Variants in EGFLAM observed in about 807,000 individuals in gnomAD.
The protein encoded by EGFLAM is EGF like, fibronectin type III and laminin G domains.
A neutral mutation model predicts 113.1 loss-of-function variants in EGFLAM; 79 were observed. The ratio of observed to expected loss-of-function variants is 0.70; its 90% CI spans 0.58 to 0.84. The LOEUF (loss-of-function observed/expected upper bound fraction) is 0.84. Among genes scored for constraint, EGFLAM ranks in the 40% least tolerant of loss-of-function variants. The pLI is 0.00. For synonymous variants in EGFLAM, 504 were observed against 487.6 expected (o/e 1.03, Z -0.44); for missense variants, 1,265 against 1,291.6 (o/e 0.98, Z 0.32).
intron 15 of EGFLAM, 117 bp downstream of exon 15, chr5:38,431,405 G>A (rs1742183957): frequency 1.0e-6 from 1 of 990,034 alleles, no homozygotes; most frequent in Non-Finnish European, 1.5e-6. Flanking sequence ...TTCAGTGCCT[G>A]TGTGGAAATC....
At chr5:38,407,694 G>T in intron 8 of EGFLAM, 111 bp from the exon 9 acceptor site, 1 of 705,950 alleles carries the variant, frequency 1.4e-6, no homozygotes, top group Non-Finnish European at 2.4e-6. Flanking sequence ...AAGTTGAATA[G>T]ATTAGTGAGG....
intron 11 of EGFLAM, among the ~76,000 whole-genome samples, chr5:38,417,367 AAAC>A (rs1245715650): frequency 2.0e-5 from 3 of 149,658 alleles, no homozygotes; most frequent in African/African-American, 7.6e-5. Context: ...AAAAAAAAAA[AAAC>A]AAAAAAAAAA....
At chr5:38,405,303 C>T (rs781292273) in intron 6 of EGFLAM, among the ~76,000 whole-genome samples, 2 of 152,056 alleles carry the variant, frequency 1.3e-5, no homozygotes, top group African/African-American at 2.4e-5. Context: ...CATTCACATC[C>T]CTTTTCTATC....
intron 19 of EGFLAM, among the ~76,000 whole-genome samples, chr5:38,457,224 TCA>T (rs1166148493): frequency 6.6e-6 from 1 of 152,242 alleles, no homozygotes; most frequent in East Asian, 1.9e-4. Flanking sequence ...TCTGCAATGT[TCA>T]TTTTTTTTTA....
chr5:38,382,602 C>T lies in EGFLAM; in HGVS notation c.712+12140C>T, dbSNP rs192340697. ...TGGATGGTATTCTGAACCCAAGTCT[C>T]TTATCTGCTATTTCACAAATTTAAC... On this transcript the variant is annotated intron_variant, in intron 6 of 21. Coordinates refer to ENST00000322350, the MANE Select transcript of EGFLAM (RefSeq NM_152403.4). 2.7e-3 allele frequency among the ~76,000 whole-genome samples: 418 copies of T among 152,340 alleles called. 7 individuals carry two copies. The highest frequency in any genetic ancestry group is 1.4e-3 in the Non-Finnish European group (92 of 68,040).
At chr5:38,385,399 A>G (rs1187223815) in intron 6 of EGFLAM, among the ~76,000 whole-genome samples, 1 of 151,756 alleles carries the variant, frequency 6.6e-6, no homozygotes, top group African/African-American at 2.4e-5. Context: ...TATCCTTTAA[A>G]TATTTATCTC....
At chr5:38,299,863 T>C (rs1376591837) in intron 1 of EGFLAM, among the ~76,000 whole-genome samples, 1 of 152,186 alleles carries the variant, frequency 6.6e-6, no homozygotes, top group African/African-American at 2.4e-5. Context: ...ATGTATTTAT[T>C]GAGCATGTAT....
At chr5:38,431,652 G>A (rs942852283) in intron 15 of EGFLAM, among the ~76,000 whole-genome samples, 1 of 152,124 alleles carries the variant, frequency 6.6e-6, no homozygotes, top group Non-Finnish European at 1.5e-5. Context: ...GTGCATGGGG[G>A]AGGCCTGACA....
chr5:38,453,183 A>T (rs1742977164), intron 19 of EGFLAM, among the ~76,000 whole-genome samples: 1 of 152,170 alleles, frequency 6.6e-6, no homozygotes, highest in Non-Finnish European at 1.5e-5. Flanking sequence ...GCTTCCCCAG[A>T]CGATTCTGAT....
At position 38,352,224 on chromosome 5, in the gene EGFLAM, G is replaced by A; in HGVS notation, c.438G>A (p.Gln146=). ...QDSCLPPAAP[Q]QPHVIVVSDS... Reference sequence around the variant, plus strand: ...CCTGCCTGCCTCCTGCAGCTCCCCAGCAGCCACATGTCATTGTGGTTTCGG... The same window carrying A: ...CCTGCCTGCCTCCTGCAGCTCCCCAACAGCCACATGTCATTGTGGTTTCGG... The change falls in exon 5 of 22, where the codon CAG becomes CAA. Residue 146 remains glutamine, a synonymous_variant. Coordinates refer to ENST00000322350, the MANE Select transcript of EGFLAM (RefSeq NM_152403.4). 6.2e-7 allele frequency: 1 copy of A among 1,614,106 alleles called. No individual in the cohort carries two copies. Among genetic ancestry groups the A allele is most frequent in the Non-Finnish European group, 8.5e-7 (1 of 1,180,004 alleles).
At chr5:38,321,882 C>CTG (rs1335522547) in intron 1 of EGFLAM, among the ~76,000 whole-genome samples, 2 of 152,330 alleles carry the variant, frequency 1.3e-5, no homozygotes, top group East Asian at 3.9e-4. Flanking sequence ...TCTTAAAAAC[C>CTG]TACAAGTCGT....
chr5:38,334,550 A>T (rs557108609), intron 1 of EGFLAM, among the ~76,000 whole-genome samples: 2 of 152,360 alleles, frequency 1.3e-5, no homozygotes, highest in Admixed American at 6.5e-5. Context: ...ATATGATTAC[A>T]TTAGGAATTA....
intron 20 of EGFLAM, chr5:38,462,596 T>G: frequency 3.5e-6 from 1 of 281,774 alleles, no homozygotes. Context: ...ATCTCTCTAA[T>G]AACTGTCCTC....
rs1454490386 is a variant in EGFLAM, at chr5:38,352,270, TG to T, written c.486del (p.Trp162Ter). On this transcript the variant is annotated frameshift_variant, in exon 5 of 22. Transcript: ENST00000322350. LOFTEE classifies it high-confidence loss of function. ...TTCGGATTCTGAGGTGGCCCTGTCT[TG>T]GAAACCTGGAGCGAGTGAAGGAAGC... is the stretch of plus-strand genomic sequence containing the variant. ...VVSDSEVALS[W>X]KPGASEGSAP... The T allele has an allele frequency of 6.2e-7, 1 of 1,614,124 alleles. No individual in the cohort carries two copies. Among genetic ancestry groups the T allele is most frequent in the Non-Finnish European group, 8.5e-7 (1 of 1,180,016 alleles).
intron 1 of EGFLAM, among the ~76,000 whole-genome samples, chr5:38,321,114 A>G (rs1327077579): frequency 2.6e-5 from 4 of 152,116 alleles, no homozygotes; most frequent in Non-Finnish European, 4.4e-5. Flanking sequence ...AACTTACCAT[A>G]GTGTAGAATC....
At chr5:38,383,243 G>C (rs1362890157) in intron 6 of EGFLAM, among the ~76,000 whole-genome samples, 1 of 152,120 alleles carries the variant, frequency 6.6e-6, no homozygotes, top group Non-Finnish European at 1.5e-5. Flanking sequence ...GCGTTCTTTG[G>C]CGTTTATAAC....
chr5:38,325,192 G>A (rs1738847523), intron 1 of EGFLAM, among the ~76,000 whole-genome samples: 1 of 152,154 alleles, frequency 6.6e-6, no homozygotes, highest in South Asian at 2.1e-4. Flanking sequence ...AATGTGAAGG[G>A]GAGGGGAGAG....
chr5:38,313,752 A>T (rs992868709), intron 1 of EGFLAM, among the ~76,000 whole-genome samples: 1 of 152,194 alleles, frequency 6.6e-6, no homozygotes, highest in African/African-American at 2.4e-5. Flanking sequence ...GTAATATTTG[A>T]ATTACTCATG....
At chr5:38,266,955 T>C (rs749955861) in intron 1 of EGFLAM, among the ~76,000 whole-genome samples, 1 of 152,320 alleles carries the variant, frequency 6.6e-6, no homozygotes, top group East Asian at 1.9e-4. Context: ...CCATTTCCTA[T>C]TGATGTTTCC....
Sources: gnomAD v4.1 joint callset for allele counts (sites outside exome capture counted in the v4.1 genomes callset) on GRCh38, gnomAD v4.1.1 for gene constraint, MANE v1.5 for transcripts, NCBI Gene and HGNC (gene_info 2026-07-23, HGNC 2026-07-21) for gene names.